The following KCNH1 variants were observed in gnomAD, a reference collection of about 807,000 sequenced individuals.
The protein encoded by KCNH1 is voltage-gated delayed rectifier potassium channel KCNH1.
KCNH1 carries 27 observed loss-of-function variants against 69.2 expected under a neutral mutation model. The ratio of observed to expected loss-of-function variants is 0.39; its 90% CI spans 0.29 to 0.54. The LOEUF (loss-of-function observed/expected upper bound fraction) is 0.54, where lower values mean the gene tolerates loss of function less well. Among genes scored for constraint, KCNH1 ranks in the 20% least tolerant of loss-of-function variants. The pLI is 0.68. For missense variants in KCNH1, 798 were observed against 1,261.6 expected, an observed-to-expected ratio of 0.63 and a Z score of 5.57; for synonymous variants, 456 against 487.7, an observed-to-expected ratio of 0.93 and a Z score of 0.86.
chr1:210,922,378 C>T (rs980719057), intron 6 of KCNH1, among the ~76,000 whole-genome samples: 8 of 106,614 alleles, frequency 7.5e-5, no homozygotes, highest in African/African-American at 2.6e-4. Context: ...AGCGAGACTC[C>T]GTCTCAAAAA....
intron 6 of KCNH1, among the ~76,000 whole-genome samples, chr1:210,924,430 A>T (rs1022916721): frequency 2.0e-5 from 3 of 152,194 alleles, no homozygotes; most frequent in Non-Finnish European, 4.4e-5. Flanking sequence ...TTATTTATCT[A>T]TGTGTACATT....
At chr1:211,062,860 A>G (rs973397129) in intron 5 of KCNH1, among the ~76,000 whole-genome samples, 1 of 152,236 alleles carries the variant, frequency 6.6e-6, no homozygotes. Flanking sequence ...TCTTGTTAGA[A>G]ATGGAAATTA....
intron 5 of KCNH1, among the ~76,000 whole-genome samples, chr1:211,059,700 G>A (rs1350522253): frequency 2.0e-5 from 3 of 150,346 alleles, no homozygotes; most frequent in South Asian, 2.1e-4. Context: ...CCGAGATTGC[G>A]CCACTGCACT....
chr1:210,965,388 G>C (rs1688379604), intron 6 of KCNH1, among the ~76,000 whole-genome samples: 2 of 152,080 alleles, frequency 1.3e-5, no homozygotes, highest in Non-Finnish European at 2.9e-5. Flanking sequence ...AAGCTGATAA[G>C]CAACTTCAGC....
At chr1:210,835,106 T>C (rs1052290876) in intron 7 of KCNH1, among the ~76,000 whole-genome samples, 1 of 152,298 alleles carries the variant, frequency 6.6e-6, no homozygotes, top group African/African-American at 2.4e-5. Context: ...CTTTTGTTTC[T>C]TCTAATAAGT....
At chr1:211,092,838 T>G (rs182079531) in intron 3 of KCNH1, among the ~76,000 whole-genome samples, 113 of 151,990 alleles carry the variant, frequency 7.4e-4, no homozygotes, top group African/African-American at 2.7e-3. Flanking sequence ...TTTTTTTTTT[T>G]GCTCTAAAAA....
At chr1:210,703,342 G>A (rs1681828652) in intron 10 of KCNH1, among the ~76,000 whole-genome samples, 1 of 152,144 alleles carries the variant, frequency 6.6e-6, no homozygotes, top group African/African-American at 2.4e-5. Context: ...TACCACTCTT[G>A]AAATGTATCA....
intron 10 of KCNH1, among the ~76,000 whole-genome samples, chr1:210,738,573 T>G (rs1263768191): frequency 7.5e-6 from 1 of 133,848 alleles, no homozygotes; most frequent in Non-Finnish European, 1.6e-5. Context: ...TTTTTTTTTT[T>G]TTTTTTTTCT....
intron 1 of KCNH1, among the ~76,000 whole-genome samples, chr1:211,131,087 G>C (rs1691867337): frequency 6.6e-6 from 1 of 152,064 alleles, no homozygotes; most frequent in Non-Finnish European, 1.5e-5. Context: ...CAAATGGTTT[G>C]GGGCCTCATT....
chr1:210,830,691 A>G (rs1240834246), intron 7 of KCNH1, among the ~76,000 whole-genome samples: 1 of 152,218 alleles, frequency 6.6e-6, no homozygotes, highest in Non-Finnish European at 1.5e-5. Context: ...GATGAGGTCA[A>G]TCCAACAAAA....
At chr1:211,082,171 T>C (rs17188832) in intron 5 of KCNH1, among the ~76,000 whole-genome samples, 7,248 of 152,198 alleles carry the variant, frequency 0.048, 264 homozygotes, top group Non-Finnish European at 0.07. Flanking sequence ...CAATTTTAAG[T>C]ATATTTATTA....
chr1:210,912,693 C>T (rs1424496883), intron 7 of KCNH1, among the ~76,000 whole-genome samples: 1 of 151,988 alleles, frequency 6.6e-6, no homozygotes, highest in Non-Finnish European at 1.5e-5. Flanking sequence ...TTTGTTTTTG[C>T]ATCCCCAAAT....
At chr1:210,757,974 C>T (rs985872363) in intron 10 of KCNH1, among the ~76,000 whole-genome samples, 6 of 152,188 alleles carry the variant, frequency 3.9e-5, no homozygotes, top group Admixed American at 6.5e-5. Flanking sequence ...CCTCCTCCAG[C>T]GGATACTGAG....
intron 4 of KCNH1, among the ~76,000 whole-genome samples, chr1:211,087,649 A>G (rs1479921479): frequency 6.6e-6 from 1 of 151,520 alleles, no homozygotes; most frequent in African/African-American, 2.4e-5. Flanking sequence ...GCACACACAC[A>G]CACACACACA....
At chr1:210,773,921 G>GT (rs1423215259) in intron 10 of KCNH1, among the ~76,000 whole-genome samples, 1 of 152,160 alleles carries the variant, frequency 6.6e-6, no homozygotes, top group Non-Finnish European at 1.5e-5. Context: ...CATTTCAGCA[G>GT]TTTTTAGGGC....
At chr1:211,000,501 T>G (rs1028549610) in intron 6 of KCNH1, among the ~76,000 whole-genome samples, 14 of 151,936 alleles carry the variant, frequency 9.2e-5, no homozygotes, top group African/African-American at 3.1e-4. Flanking sequence ...CACTGCTCAA[T>G]GAAATAAAAG....
rs921243822 is a variant in KCNH1 at position 210,689,975 on chromosome 1, A to G, written c.2113-5837T>C. On this transcript the variant is annotated intron_variant, in intron 10 of 10. Transcript: ENST00000271751. ...ACTGCTACTCTGCTGTCCCCTGTGCATGGACTTGTGCTCACACATGAGCAT... is the reference window on the plus strand; with the variant it reads ...ACTGCTACTCTGCTGTCCCCTGTGCGTGGACTTGTGCTCACACATGAGCAT... Among the ~76,000 whole-genome samples, 32 of 152,204 alleles carry G rather than the reference A, an allele frequency of 2.1e-4. 1 individual carries two copies. The highest frequency in any genetic ancestry group is 4.4e-4 in the Non-Finnish European group (30 of 68,040).
intron 5 of KCNH1, among the ~76,000 whole-genome samples, chr1:211,061,607 C>T (rs1025344225): frequency 1.3e-5 from 2 of 151,830 alleles, no homozygotes; most frequent in Non-Finnish European, 2.9e-5. Context: ...AACAGATAAA[C>T]AAATTCAGTA....
chr1:211,023,083 C>G (rs1689616173), intron 5 of KCNH1, among the ~76,000 whole-genome samples: 1 of 151,134 alleles, frequency 6.6e-6, no homozygotes. Context: ...TGCACTCCAG[C>G]CTGGGCGACA....
Sources: allele counts gnomAD v4.1 joint callset (sites outside exome capture counted in the v4.1 genomes callset), GRCh38; gene constraint gnomAD v4.1.1; transcripts MANE v1.5; gene names NCBI Gene and HGNC (gene_info 2026-07-23, HGNC 2026-07-21).